CDK14: variants seen among roughly 807,000 people sequenced by gnomAD.
CDK14 encodes cyclin-dependent kinase 14.
Under a neutral mutation model 60.7 loss-of-function variants are expected in CDK14, and 34 were observed. The ratio of observed to expected loss-of-function variants is 0.56; its 90% CI spans 0.43 to 0.75. The LOEUF is 0.75. Among genes scored for constraint, CDK14 ranks in the 30% least tolerant of loss-of-function variants. The pLI is 0.00. For synonymous variants in CDK14, 197 were observed against 203.7 expected (o/e 0.97, Z 0.28); for missense variants, 482 against 564.1 (o/e 0.85, Z 1.47).
chr7:90,709,395 G>A (rs1382346878), intron 2 of CDK14: 9 of 1,392,926 alleles, frequency 6.5e-6, no homozygotes, highest in Non-Finnish European at 8.4e-6. Flanking sequence ...AGCATGATGA[G>A]GTGCATCCCC....
At chr7:91,001,604 G>A (rs907573396) in intron 10 of CDK14, among the ~76,000 whole-genome samples, 9 of 152,048 alleles carry the variant, frequency 5.9e-5, no homozygotes, top group Non-Finnish European at 1.3e-4. Flanking sequence ...TGAATATAAA[G>A]AAACTTTCTT....
chr7:90,707,639 C>A (rs1467590081), intron 2 of CDK14, among the ~76,000 whole-genome samples: 1 of 152,164 alleles, frequency 6.6e-6, no homozygotes, highest in African/African-American at 2.4e-5. Context: ...ATTGAGCCAC[C>A]TTTCTTCTGA....
At chr7:90,710,013 C>A in intron 2 of CDK14, 1 of 936,284 alleles carries the variant, frequency 1.1e-6, no homozygotes, top group Non-Finnish European at 1.3e-6. Flanking sequence ...AGCATCTCGG[C>A]AAGTCTGAAT....
intron 12 of CDK14, among the ~76,000 whole-genome samples, chr7:91,084,800 A>C (rs185231229): frequency 6.6e-6 from 1 of 152,296 alleles, no homozygotes; most frequent in East Asian, 1.9e-4. Flanking sequence ...ATTGCTTTTC[A>C]TCCTTTCAGA....
intron 2 of CDK14, among the ~76,000 whole-genome samples, chr7:90,610,040 T>A (rs1799506122): frequency 6.6e-6 from 1 of 152,244 alleles, no homozygotes; most frequent in Non-Finnish European, 1.5e-5. Flanking sequence ...CTTTCCTGTT[T>A]AGCTTTCTCA....
At chr7:90,860,495 C>A (rs1162364556) in intron 5 of CDK14, among the ~76,000 whole-genome samples, 1 of 145,904 alleles carries the variant, frequency 6.9e-6, no homozygotes, top group Non-Finnish European at 1.5e-5. Flanking sequence ...TGCAAAGAAT[C>A]TGATTATGGG....
chr7:90,954,537 C>T (rs532548687), intron 8 of CDK14, among the ~76,000 whole-genome samples: 1 of 151,396 alleles, frequency 6.6e-6, no homozygotes, highest in South Asian at 2.1e-4. Context: ...CTCAGAAAAA[C>T]TTACTAAAAA....
At chr7:90,786,584 G>A (rs1805591424) in intron 4 of CDK14, among the ~76,000 whole-genome samples, 1 of 152,014 alleles carries the variant, frequency 6.6e-6, no homozygotes, top group Non-Finnish European at 1.5e-5. Context: ...TTGTAAATGA[G>A]TTAGTAACTT....
chr7:91,133,650 A>G (rs1202499013), intron 14 of CDK14, among the ~76,000 whole-genome samples: 2 of 152,152 alleles, frequency 1.3e-5, no homozygotes, highest in Admixed American at 6.6e-5. Flanking sequence ...GAAAGGAAGT[A>G]TATTGAACTG....
chr7:90,632,629 C>G (rs1187772756), intron 2 of CDK14: 1 of 152,576 alleles, frequency 6.6e-6, no homozygotes, highest in East Asian at 1.9e-4. Flanking sequence ...ATTTTTGACA[C>G]CGAACCTTTT....
intron 12 of CDK14, among the ~76,000 whole-genome samples, chr7:91,108,781 T>TGGTTGAA (rs958417536): frequency 2.4e-4 from 37 of 152,334 alleles, no homozygotes; most frequent in African/African-American, 7.5e-4. Context: ...CACAAACCTC[T>TGGTTGAA]GGTTGAAAAG....
intron 14 of CDK14, among the ~76,000 whole-genome samples, chr7:91,146,590 T>G (rs1364363560): frequency 6.6e-6 from 1 of 152,212 alleles, no homozygotes; most frequent in Non-Finnish European, 1.5e-5. Flanking sequence ...TAAGCATACA[T>G]ATTTTAATAC....
At chr7:90,793,033 C>T (rs987582492) in intron 5 of CDK14, among the ~76,000 whole-genome samples, 2 of 152,176 alleles carry the variant, frequency 1.3e-5, no homozygotes, top group Non-Finnish European at 2.9e-5. Flanking sequence ...TCTTTACTCT[C>T]CACATCACAC....
chr7:91,179,523 C>G lies in CDK14; in HGVS notation c.*29-27642C>G, dbSNP rs183664674. 2.2e-3 allele frequency among the ~76,000 whole-genome samples: 325 copies of G among 149,758 alleles called. 1 individual carries two copies. Among genetic ancestry groups the G allele is most frequent in the African/African-American group, 7.5e-3 (308 of 40,844 alleles). On this transcript the variant is annotated intron_variant, in intron 14 of 14. Coordinates refer to ENST00000380050, the MANE Select transcript of CDK14 (RefSeq NM_001287135.2). ...GTATAATTAAAAAAAAAAAATGCAG[C>G]CCGGCGCAGTGACTCACGCCTGTAA...
In CDK14 at chr7:90,721,990, A is replaced by G. The variant is rs117607826; in HGVS notation, c.124-4577A>G. On this transcript the variant is annotated intron_variant, in intron 2 of 14. Coordinates refer to ENST00000380050, the MANE Select transcript of CDK14 (RefSeq NM_001287135.2). ...GTACGCAGGGGAGTAGCGCCAGTGTATACTGCGTCCTCCAGAGCCCTCTTT... is the reference window on the plus strand; with the variant it reads ...GTACGCAGGGGAGTAGCGCCAGTGTGTACTGCGTCCTCCAGAGCCCTCTTT... Among the ~76,000 whole-genome samples the G allele has an allele frequency of 9.0e-3, 1,363 of 152,208 alleles. 13 individuals carry two copies. Among genetic ancestry groups the G allele is most frequent in the Admixed American group, 0.015 (230 of 15,296 alleles).
intron 8 of CDK14, among the ~76,000 whole-genome samples, chr7:90,921,031 A>G (rs948356137): frequency 3.3e-5 from 5 of 152,214 alleles, no homozygotes; most frequent in African/African-American, 7.2e-5. Flanking sequence ...CACATGATTT[A>G]GAATCACTGT....
intron 14 of CDK14, among the ~76,000 whole-genome samples, chr7:91,137,392 C>A (rs1800311819): frequency 6.6e-6 from 1 of 152,094 alleles, no homozygotes. Flanking sequence ...TACTGTCTGT[C>A]CCTGGTGTCT....
chr7:90,774,716 A>G (rs899190668), intron 4 of CDK14, among the ~76,000 whole-genome samples: 3 of 152,220 alleles, frequency 2.0e-5, no homozygotes, highest in Non-Finnish European at 4.4e-5. Flanking sequence ...GCAACCAGAA[A>G]AAGAAAATAC....
At chr7:90,823,247 AT>A (rs1282467761) in intron 5 of CDK14, among the ~76,000 whole-genome samples, 1 of 152,124 alleles carries the variant, frequency 6.6e-6, no homozygotes, top group African/African-American at 2.4e-5. Flanking sequence ...CTACCAGATT[AT>A]TTTTCTTTAT....
Sources: gnomAD v4.1 joint callset for allele counts (sites outside exome capture counted in the v4.1 genomes callset) on GRCh38, gnomAD v4.1.1 for gene constraint, MANE v1.5 for transcripts, NCBI Gene and HGNC (gene_info 2026-07-23, HGNC 2026-07-21) for gene names.